Variants in HHAT observed in about 807,000 individuals in gnomAD.
The protein encoded by HHAT is protein-cysteine N-palmitoyltransferase HHAT.
A neutral mutation model predicts 70.8 loss-of-function variants in HHAT; 47 were observed. The observed-to-expected ratio is 0.66, with a 90% CI of 0.53 to 0.85. The LOEUF (loss-of-function observed/expected upper bound fraction) is 0.85, where lower values mean the gene tolerates loss of function less well. Ranked by LOEUF, HHAT falls within the 40% of genes least tolerant of loss-of-function variation. HHAT has a pLI of 0.00. For missense variants in HHAT, 609 were observed against 604.8 expected, an observed-to-expected ratio of 1.01 and a Z score of -0.07; for synonymous variants, 228 against 247.6, an observed-to-expected ratio of 0.92 and a Z score of 0.74.
intron 9 of HHAT, among the ~76,000 whole-genome samples, chr1:210,550,868 A>G (rs1381693502): frequency 6.8e-6 from 1 of 147,860 alleles, no homozygotes; most frequent in Non-Finnish European, 1.5e-5. Context: ...GGGTTTCACC[A>G]TGTTGGCCAG....
chr1:210,561,748 A>G (rs1408682690), intron 9 of HHAT, among the ~76,000 whole-genome samples: 2 of 152,244 alleles, frequency 1.3e-5, no homozygotes, highest in Non-Finnish European at 2.9e-5. Flanking sequence ...AGTAATTAAC[A>G]TATTTGTTGC....
At chr1:210,613,196 A>G (rs987089721) in intron 10 of HHAT, among the ~76,000 whole-genome samples, 1 of 152,158 alleles carries the variant, frequency 6.6e-6, no homozygotes, top group Non-Finnish European at 1.5e-5. Flanking sequence ...ATCCAATGTC[A>G]TGAAGGTCTC....
chr1:210,491,334 T>G (rs1271176915), intron 8 of HHAT, among the ~76,000 whole-genome samples: 1 of 152,110 alleles, frequency 6.6e-6, no homozygotes, highest in Non-Finnish European at 1.5e-5. Context: ...TATCCAGTCA[T>G]TGCTCTGCCT....
At chr1:210,623,782 A>T in intron 11 of HHAT, 112 bp downstream of exon 11, 1 of 1,125,394 alleles carries the variant, frequency 8.9e-7, no homozygotes, top group Non-Finnish European at 1.3e-6. Flanking sequence ...TGTTATGTTC[A>T]TGGCATGTGA....
At chr1:210,580,545 G>A (rs1411653777) in intron 9 of HHAT, among the ~76,000 whole-genome samples, 1 of 131,156 alleles carries the variant, frequency 7.6e-6, no homozygotes, top group Non-Finnish European at 1.5e-5. Flanking sequence ...CTGTATCCAC[G>A]TGTCTCATTG....
At chr1:210,668,207 T>C (rs905206900) in intron 11 of HHAT, among the ~76,000 whole-genome samples, 1 of 152,250 alleles carries the variant, frequency 6.6e-6, no homozygotes, top group African/African-American at 2.4e-5. Flanking sequence ...TATCCATTCA[T>C]TTGTTGATGG....
chr1:210,602,049 T>C (rs1366132085), intron 10 of HHAT, among the ~76,000 whole-genome samples: 1 of 150,286 alleles, frequency 6.7e-6, no homozygotes, highest in African/African-American at 2.4e-5. Flanking sequence ...TATTGAGAAG[T>C]TGGATCGAGG....
intron 7 of HHAT, among the ~76,000 whole-genome samples, chr1:210,442,001 T>A: frequency 1.2e-5 from 1 of 82,566 alleles, no homozygotes; most frequent in Non-Finnish European, 2.2e-5. Context: ...CCCTCCCCCC[T>A]CCCCCCACCC....
chr1:210,432,265 AG>A (rs1319199003), intron 7 of HHAT, among the ~76,000 whole-genome samples: 11 of 151,918 alleles, frequency 7.2e-5, no homozygotes, highest in African/African-American at 2.7e-4. Flanking sequence ...AGAATAAAGG[AG>A]GGCCAAGTAT....
intron 11 of HHAT, among the ~76,000 whole-genome samples, chr1:210,668,763 TTTTA>T (rs561790153): frequency 1.5e-4 from 23 of 152,242 alleles, no homozygotes; most frequent in African/African-American, 4.8e-4. Context: ...TCATATTACC[TTTTA>T]TTTATTTATT....
At chr1:210,534,600 T>C (rs1279089425) in intron 9 of HHAT, among the ~76,000 whole-genome samples, 1 of 152,190 alleles carries the variant, frequency 6.6e-6, no homozygotes, top group Admixed American at 6.5e-5. Context: ...AGTCTAAACA[T>C]GAAATTCATT....
chr1:210,500,110 T>C (rs1393688071), intron 8 of HHAT, among the ~76,000 whole-genome samples: 2 of 152,222 alleles, frequency 1.3e-5, no homozygotes, highest in African/African-American at 4.8e-5. Flanking sequence ...GGGTTTGGGT[T>C]ACCAACAGGG....
intron 11 of HHAT, among the ~76,000 whole-genome samples, chr1:210,638,188 G>A (rs1222998497): frequency 2.0e-5 from 3 of 152,122 alleles, no homozygotes; most frequent in Admixed American, 2.0e-4. Context: ...TTCTACTCCT[G>A]TATATGTGCC....
At chr1:210,561,339 ATGT>A (rs1253479927) in intron 9 of HHAT, among the ~76,000 whole-genome samples, 4 of 152,352 alleles carry the variant, frequency 2.6e-5, no homozygotes, top group Admixed American at 1.3e-4. Context: ...TTTTGCATAA[ATGT>A]TGTATAAATA....
At chr1:210,664,452 G>A (rs1678457633) in intron 11 of HHAT, among the ~76,000 whole-genome samples, 1 of 152,216 alleles carries the variant, frequency 6.6e-6, no homozygotes, top group South Asian at 2.1e-4. Context: ...ATGAGATAAT[G>A]GTTGTGAAGC....
intron 11 of HHAT, among the ~76,000 whole-genome samples, chr1:210,638,064 G>A (rs1184607966): frequency 6.6e-6 from 1 of 152,228 alleles, no homozygotes; most frequent in African/African-American, 2.4e-5. Context: ...TGGTGAGGAT[G>A]TGGAGAAATT....
At position 210,494,542 on chromosome 1, in the gene HHAT, C is replaced by CTTTTTTT. The variant is rs71146226; in HGVS notation, c.1008-18590_1008-18584dup. Among the ~76,000 whole-genome samples the CTTTTTTT allele has an allele frequency of 4.5e-4, 37 of 82,852 alleles. 3 individuals carry two copies. The highest frequency in any genetic ancestry group is 9.7e-4 in the African/African-American group (19 of 19,658). The allele number at this position is 82,852 out of a possible 152,430, so 54.4% of individuals were successfully genotyped here. A position where few individuals can be genotyped will look rare whatever the true frequency, so the allele number is the denominator to read the frequency against. On this transcript the variant is annotated intron_variant, in intron 8 of 11. Coordinates refer to ENST00000261458, the MANE Select transcript of HHAT (RefSeq NM_018194.6). The stretch of plus-strand genomic sequence containing the variant: ...AGATCAGGAGTTCAGTTTGAAATAG[C>CTTTTTTT]TTTTTTTTTTTTTTTTTTTTTTTTT...
chr1:210,367,294 C>G (rs2089092544), intron 3 of HHAT, among the ~76,000 whole-genome samples: 1 of 152,160 alleles, frequency 6.6e-6, no homozygotes, highest in African/African-American at 2.4e-5. Context: ...ATGCCTGGAG[C>G]AGAGTCAGTG....
intron 8 of HHAT, among the ~76,000 whole-genome samples, chr1:210,490,365 A>C (rs2094533036): frequency 6.6e-6 from 1 of 152,256 alleles, no homozygotes; most frequent in Non-Finnish European, 1.5e-5. Flanking sequence ...TCTACCAGAA[A>C]TAATGACCAC....
Sources: gnomAD v4.1 joint callset for allele counts (sites outside exome capture counted in the v4.1 genomes callset) on GRCh38, gnomAD v4.1.1 for gene constraint, MANE v1.5 for transcripts, NCBI Gene and HGNC (gene_info 2026-07-23, HGNC 2026-07-21) for gene names.